The following FOXP1 variants were observed in gnomAD, a reference collection of about 807,000 sequenced individuals.
FOXP1 encodes forkhead box protein P1.
A neutral mutation model predicts 98.2 loss-of-function variants in FOXP1; 15 were observed. The ratio of observed to expected loss-of-function variants is 0.15; its 90% confidence interval spans 0.10 to 0.24. The LOEUF (loss-of-function observed/expected upper bound fraction) is 0.24, where lower values mean the gene tolerates loss of function less well. Ranked by LOEUF, FOXP1 falls within the 10% of genes least tolerant of loss-of-function variation. The pLI is 1.00. For synonymous variants in FOXP1, 371 were observed against 314.5 expected (o/e 1.18, Z -1.90); for missense variants, 633 against 848.5 (o/e 0.75, Z 3.15).
Position 70,957,334 on chromosome 3 carries a change from T to C in FOXP1, c.*1913A>G. On this transcript the variant is annotated 3_prime_UTR_variant, in exon 21 of 21. Coordinates refer to ENST00000649528, the MANE Select transcript of FOXP1 (RefSeq NM_001349338.3). ...AAAAGTAACAACTTTGGTTCCATTA[T>C]CTACTTGGTCTTCTAAATTTACGAT... 1 of 228,518 alleles carries C rather than the reference T, an allele frequency of 4.4e-6. No individual in the cohort carries two copies. Among genetic ancestry groups the C allele is most frequent in the Non-Finnish European group, 8.7e-6 (1 of 115,006 alleles). 14.2% of individuals were successfully genotyped at this position (228,518 alleles called of 1,614,324 possible). A position where few individuals can be genotyped will look rare whatever the true frequency, so the allele number is the denominator to read the frequency against.
At chr3:71,279,189 AAAAAG>A (rs1337882944) in intron 5 of FOXP1, among the ~76,000 whole-genome samples, 3 of 151,726 alleles carry the variant, frequency 2.0e-5, no homozygotes, top group South Asian at 2.1e-4. Context: ...AAAAAAAAAA[AAAAAG>A]AAAGAAATAG....
intron 4 of FOXP1, among the ~76,000 whole-genome samples, chr3:71,329,104 T>C (rs1284031477): frequency 1.3e-5 from 2 of 151,998 alleles, no homozygotes; most frequent in Non-Finnish European, 2.9e-5. Flanking sequence ...CTGGTGCCCT[T>C]TGATCCAGCT....
chr3:71,038,761 T>G (rs775880914), intron 11 of FOXP1, among the ~76,000 whole-genome samples: 12 of 151,778 alleles, frequency 7.9e-5, no homozygotes, highest in Non-Finnish European at 1.3e-4. Context: ...ACTCTTGGGC[T>G]CAAATGATCC....
chr3:71,156,939 TG>T (rs1405989615), intron 6 of FOXP1, among the ~76,000 whole-genome samples: 2 of 152,208 alleles, frequency 1.3e-5, no homozygotes, highest in Non-Finnish European at 2.9e-5. Context: ...ACTGAAAAGC[TG>T]GTGAACAGTG....
chr3:71,118,669 T>A (rs1367765167), intron 6 of FOXP1, among the ~76,000 whole-genome samples: 2 of 152,148 alleles, frequency 1.3e-5, no homozygotes, highest in Non-Finnish European at 2.9e-5. Context: ...CCAAATTCGG[T>A]CTATCACCTG....
chr3:71,388,704 A>C (rs560740630), intron 3 of FOXP1, among the ~76,000 whole-genome samples: 45 of 152,244 alleles, frequency 3.0e-4, no homozygotes, highest in Non-Finnish European at 5.4e-4. Context: ...AGTTACAACA[A>C]ATTAACAACA....
chr3:71,220,916 C>T (rs978210724), intron 5 of FOXP1, among the ~76,000 whole-genome samples: 1 of 71,174 alleles, frequency 1.4e-5, no homozygotes, highest in African/African-American at 5.8e-5. Context: ...ACATATTAAT[C>T]CTCTTTTTTT....
rs369145223 is a variant in FOXP1 at position 71,012,810 on chromosome 3, A to T, written c.974+2739T>A. 1.9e-3 allele frequency among the ~76,000 whole-genome samples: 296 copies of T among 152,286 alleles called. 1 individual carries two copies. The highest frequency in any genetic ancestry group is 6.4e-3 in the African/African-American group (267 of 41,574). On this transcript the variant is annotated intron_variant, in intron 12 of 20. Coordinates refer to ENST00000649528, the MANE Select transcript of FOXP1 (RefSeq NM_001349338.3). ...GCTTGAATGAGAGAGAAAAGCTAGA[A>T]GGAGATGGTCCCCAACACCCAATTT... is the stretch of plus-strand genomic sequence containing the variant.
chr3:71,287,054 A>T (rs1483194674), intron 5 of FOXP1, among the ~76,000 whole-genome samples: 2 of 152,240 alleles, frequency 1.3e-5, no homozygotes, highest in Non-Finnish European at 2.9e-5. Context: ...TTTAAAAATA[A>T]GATGTAGATA....
intron 2 of FOXP1, among the ~76,000 whole-genome samples, chr3:71,541,670 T>A (rs1335366296): frequency 6.6e-6 from 1 of 151,928 alleles, no homozygotes; most frequent in Non-Finnish European, 1.5e-5. Context: ...TTCACCAGAA[T>A]TTACTCCGAG....
chr3:71,353,433 T>C (rs1441498203), intron 4 of FOXP1, among the ~76,000 whole-genome samples: 2 of 152,214 alleles, frequency 1.3e-5, no homozygotes, highest in Admixed American at 6.5e-5. Flanking sequence ...GCAAAAAATC[T>C]GGGTGTTAGC....
At position 71,561,074 on chromosome 3, in the gene FOXP1, T is replaced by C. The variant is rs2046495260; in HGVS notation, c.-298+20475A>G. Among the ~76,000 whole-genome samples the C allele has an allele frequency of 2.0e-5, 3 of 152,122 alleles. No individual in the cohort carries two copies. In the South Asian group the frequency reaches 6.2e-4, roughly 32 times the overall value. ...TGTACTTTTTTGTTTGTTTGTCTTC[T>C]GAGACAGAGTGTCACTCTGTCACCC... On this transcript the variant is annotated intron_variant, in intron 2 of 20. Coordinates refer to ENST00000649528, the MANE Select transcript of FOXP1 (RefSeq NM_001349338.3).
At chr3:71,549,860 TAAA>T (rs55826932) in intron 2 of FOXP1, among the ~76,000 whole-genome samples, 782 of 59,880 alleles carry the variant, frequency 0.013, 7 homozygotes, top group African/African-American at 0.043. Context: ...ATGCTGGGAG[TAAA>T]AAAAAAAAAA....
At chr3:71,365,770 G>C (rs963257169) in intron 3 of FOXP1, among the ~76,000 whole-genome samples, 2 of 152,304 alleles carry the variant, frequency 1.3e-5, no homozygotes, top group South Asian at 2.1e-4. Flanking sequence ...AGATCACGAG[G>C]TCAAGAGATG....
At chr3:71,298,604 T>C (rs1477711847) in intron 5 of FOXP1, among the ~76,000 whole-genome samples, 1 of 152,226 alleles carries the variant, frequency 6.6e-6, no homozygotes, top group Non-Finnish European at 1.5e-5. Context: ...AAACGTATGT[T>C]TGTCCTCTCT....
At chr3:71,471,750 T>G (rs867252467) in intron 3 of FOXP1, among the ~76,000 whole-genome samples, 1 of 152,190 alleles carries the variant, frequency 6.6e-6, no homozygotes, top group South Asian at 2.1e-4. Flanking sequence ...CTGTGTCACT[T>G]TATGAATCAC....
rs1230446429 is a variant in FOXP1 at position 71,495,866 on chromosome 3, A to C, written c.-297-2311T>G. On this transcript the variant is annotated intron_variant, in intron 2 of 20. Transcript: ENST00000649528. ...GCTGGTACTAACAATCATGGGCCAC[A>C]TTTTGTAACAGGCAGGTAATGCAAA... Among the ~76,000 whole-genome samples, 5 of 152,190 alleles carry C rather than the reference A, an allele frequency of 3.3e-5. No individual in the cohort carries two copies. The East Asian group carries it at 9.6e-4, about 29-fold the overall frequency.
At chr3:71,439,761 A>G (rs112194248) in intron 3 of FOXP1, among the ~76,000 whole-genome samples, 2,248 of 152,124 alleles carry the variant, frequency 0.015, 69 homozygotes, top group African/African-American at 0.05. Context: ...CTGGCCAACA[A>G]GGCAAAACCC....
chr3:70,988,133 C>A, intron 13 of FOXP1, 56 bp from the exon 14 acceptor site: 1 of 1,424,686 alleles, frequency 7.0e-7, no homozygotes, highest in Non-Finnish European at 9.9e-7. Flanking sequence ...TGGCTCTTAA[C>A]ACCAAAAATG....
Sources: allele counts gnomAD v4.1 joint callset (sites outside exome capture counted in the v4.1 genomes callset), GRCh38; gene constraint gnomAD v4.1.1; transcripts MANE v1.5; gene names NCBI Gene and HGNC (gene_info 2026-07-23, HGNC 2026-07-21).